Variants in ZNF385C observed in about 807,000 individuals in gnomAD.
ZNF385C encodes zinc finger protein 385C.
Under a neutral mutation model 35.4 loss-of-function variants are expected in ZNF385C, and 28 were observed. The observed-to-expected ratio is 0.79, with a 90% CI of 0.59 to 1.08. The LOEUF (loss-of-function observed/expected upper bound fraction) is 1.08, where lower values mean the gene tolerates loss of function less well. ZNF385C is among the 50% of genes least tolerant of loss of function. The pLI is 0.00. For missense variants in ZNF385C, 605 were observed against 595.6 expected, an observed-to-expected ratio of 1.02 and a Z score of -0.16; for synonymous variants, 248 against 248.2, an observed-to-expected ratio of 1.00 and a Z score of 0.01.
intron 2 of ZNF385C, among the ~76,000 whole-genome samples, chr17:42,057,315 G>A (rs2053391207): frequency 6.6e-6 from 1 of 152,156 alleles, no homozygotes; most frequent in Non-Finnish European, 1.5e-5. Flanking sequence ...AGGTGCAAGT[G>A]CTTTGTTCAG....
chr17:42,079,203 AATAT>A (rs1324670360), intron 1 of ZNF385C, among the ~76,000 whole-genome samples: 61 of 113,814 alleles, frequency 5.4e-4, no homozygotes, highest in Non-Finnish European at 7.4e-4. Flanking sequence ...AAAAAAAAAA[AATAT>A]ATATATATAT....
intron 7 of ZNF385C, 25 bp downstream of exon 7, chr17:42,028,025 C>G (rs1555654490): frequency 6.2e-7 from 1 of 1,612,300 alleles, no homozygotes; most frequent in Non-Finnish European, 8.5e-7. Flanking sequence ...GGCTCCAACC[C>G]CAGTCACAGC....
chr17:42,097,020 C>T (rs1421230044), intron 1 of ZNF385C, among the ~76,000 whole-genome samples: 1 of 150,590 alleles, frequency 6.6e-6, no homozygotes, highest in Non-Finnish European at 1.5e-5. Context: ...CTCCCCTGCT[C>T]GCTCTCACTC....
At chr17:42,027,565 C>T in intron 8 of ZNF385C, 53 bp downstream of exon 8, 1 of 809,488 alleles carries the variant, frequency 1.2e-6, no homozygotes, top group South Asian at 1.8e-5. Context: ...CCCTCCCAGC[C>T]CACCCTCTCC....
intron 1 of ZNF385C, among the ~76,000 whole-genome samples, chr17:42,093,275 C>G (rs2143959772): frequency 6.6e-6 from 1 of 152,292 alleles, no homozygotes; most frequent in East Asian, 1.9e-4. Flanking sequence ...TGACTGCTTC[C>G]AGGAGAAAGA....
chr17:42,074,515 C>T (rs1427564996), intron 1 of ZNF385C, among the ~76,000 whole-genome samples: 2 of 152,054 alleles, frequency 1.3e-5, no homozygotes, highest in Admixed American at 6.5e-5. Context: ...CCTCAGCCTC[C>T]CAAGTAGCTG....
intron 1 of ZNF385C, among the ~76,000 whole-genome samples, chr17:42,081,382 C>T (rs561824318): frequency 1.3e-5 from 2 of 152,116 alleles, no homozygotes; most frequent in Admixed American, 6.5e-5. Flanking sequence ...GTCCAAGCTC[C>T]GCCCCAGGGA....
chr17:42,037,790 C>T lies in ZNF385C; in HGVS notation c.346G>A (p.Ala116Thr), dbSNP rs1349567797. The T allele has an allele frequency of 2.8e-5, 43 of 1,532,110 alleles. No homozygotes were observed. The highest frequency in any genetic ancestry group is 1.6e-4 in the South Asian group (13 of 81,160). 94.9% of individuals were successfully genotyped at this position (1,532,110 alleles called of 1,614,324 possible). A position where few individuals can be genotyped will look rare whatever the true frequency, so the allele number is the denominator to read the frequency against. ...QPPLDFKHLLAFHFNGAAPLS... is the reference protein window; with the variant it reads ...QPPLDFKHLLTFHFNGAAPLS... ...GGGGCAGCGCCATTGAAGTGGAAGG[C>T]GAGCAAGTGCTTGAAGTCCAGCGGG... is the stretch of plus-strand genomic sequence containing the variant. Residue 116 changes from alanine (A) to threonine (T), a missense_variant, in exon 3 of 9, where the codon GCC (alanine) becomes ACC (threonine). Transcript: ENST00000692273.
At chr17:42,082,909 C>G (rs1300729626) in intron 1 of ZNF385C, among the ~76,000 whole-genome samples, 1 of 152,100 alleles carries the variant, frequency 6.6e-6, no homozygotes, top group Admixed American at 6.5e-5. Context: ...GAAGACCCGT[C>G]TCTACTAAAA....
At chr17:42,053,973 G>T (rs1252507060) in intron 2 of ZNF385C, among the ~76,000 whole-genome samples, 1 of 152,200 alleles carries the variant, frequency 6.6e-6, no homozygotes, top group Admixed American at 6.5e-5. Context: ...AGGGACTCCT[G>T]GTTCTGCCTG....
chr17:42,044,918 C>CTTT (rs71157603), intron 2 of ZNF385C, among the ~76,000 whole-genome samples: 9 of 132,586 alleles, frequency 6.8e-5, no homozygotes, highest in South Asian at 4.7e-4. Flanking sequence ...CCAACTCTAC[C>CTTT]TTTTTTTTTT....
intron 2 of ZNF385C, chr17:42,040,016 G>A (rs1468518262): frequency 5.7e-6 from 7 of 1,230,908 alleles, no homozygotes; most frequent in South Asian, 8.2e-5. Context: ...GGGCCGAGCC[G>A]CCCAAGGCCG....
chr17:42,026,891 T>G lies in ZNF385C; in HGVS notation c.*6A>C. On this transcript the variant is annotated 3_prime_UTR_variant, in exon 9 of 9. Coordinates refer to ENST00000692273, the MANE Select transcript of ZNF385C (RefSeq NM_001392013.1). ...TGGGAAATCAGCTCTGGCCTCCCCA[T>G]GAGGGCTAATAAGGGGCAAGGACGA... The G allele has an allele frequency of 6.3e-7, 1 of 1,581,152 alleles. No individual in the cohort carries two copies. Among genetic ancestry groups the G allele is most frequent in the Non-Finnish European group, 8.6e-7 (1 of 1,163,122 alleles).
At chr17:42,098,005 G>C (rs1461397649) in intron 1 of ZNF385C, among the ~76,000 whole-genome samples, 3 of 152,202 alleles carry the variant, frequency 2.0e-5, no homozygotes, top group African/African-American at 7.2e-5. Context: ...AGCCCAGTTT[G>C]GGTCAAGCCA....
chr17:42,079,316 T>C (rs1402885334), intron 1 of ZNF385C, among the ~76,000 whole-genome samples: 4 of 144,726 alleles, frequency 2.8e-5, no homozygotes, highest in Non-Finnish European at 6.0e-5. Flanking sequence ...AGACGGGAGA[T>C]TGAGGCTGCA....
intron 2 of ZNF385C, among the ~76,000 whole-genome samples, chr17:42,041,426 C>T (rs1262367858): frequency 6.6e-6 from 1 of 152,186 alleles, no homozygotes; most frequent in East Asian, 1.9e-4. Flanking sequence ...ATCCTCCCAC[C>T]CCGGCCTCCC....
At chr17:42,080,115 G>A (rs1260446246) in intron 1 of ZNF385C, among the ~76,000 whole-genome samples, 6 of 152,212 alleles carry the variant, frequency 3.9e-5, no homozygotes, top group African/African-American at 1.4e-4. Flanking sequence ...GGAAATTGGG[G>A]TGTCCAACAG....
intron 8 of ZNF385C, among the ~76,000 whole-genome samples, chr17:42,027,366 C>T (rs797036148): frequency 1.3e-5 from 2 of 152,132 alleles, no homozygotes; most frequent in Non-Finnish European, 2.9e-5. Flanking sequence ...GGAGGATTTA[C>T]GGGATAGAGA....
At chr17:42,044,041 C>A (rs2053088596) in intron 2 of ZNF385C, among the ~76,000 whole-genome samples, 1 of 150,534 alleles carries the variant, frequency 6.6e-6, no homozygotes, top group Admixed American at 6.7e-5. Context: ...TCAGGCCAGG[C>A]ATGGTGGCTC....
Sources: allele counts gnomAD v4.1 joint callset (sites outside exome capture counted in the v4.1 genomes callset), GRCh38; gene constraint gnomAD v4.1.1; transcripts MANE v1.5; gene names NCBI Gene and HGNC (gene_info 2026-07-23, HGNC 2026-07-21).